PPP2R5B: variants seen among roughly 807,000 people sequenced by gnomAD.
The protein encoded by PPP2R5B is protein phosphatase 2 regulatory subunit B'beta, also known as serine/threonine-protein phosphatase 2A 56 kDa regulatory subunit beta isoform.
A neutral mutation model predicts 59.9 loss-of-function variants in PPP2R5B; 19 were observed. That is an observed-to-expected ratio of 0.32 (90% CI 0.22 to 0.47). The LOEUF (loss-of-function observed/expected upper bound fraction) is 0.47, where lower values mean the gene tolerates loss of function less well. PPP2R5B is among the 20% of genes least tolerant of loss of function. PPP2R5B has a pLI of 1.00. For synonymous variants in PPP2R5B, 286 were observed against 260.5 expected, an observed-to-expected ratio of 1.10 and a Z score of -0.94; for missense variants, 441 against 640.2, an observed-to-expected ratio of 0.69 and a Z score of 3.36.
intron 6 of PPP2R5B, among the ~76,000 whole-genome samples, chr11:64,928,738 G>T (rs1159926133): frequency 6.6e-6 from 1 of 152,242 alleles, no homozygotes; most frequent in Non-Finnish European, 1.5e-5. Flanking sequence ...CAAAAAATTA[G>T]CCGGGCGCGG....
rs923660059 is a variant in PPP2R5B, at chr11:64,925,619, C to T, written c.-116C>T. 3 of 553,296 alleles carry T rather than the reference C, an allele frequency of 5.4e-6. No homozygotes were observed. The highest frequency in any genetic ancestry group is 3.1e-5 in the Admixed American group (1 of 31,856). The allele number at this position is 553,296 out of a possible 1,614,324, so 34.3% of individuals were successfully genotyped here. A position where few individuals can be genotyped will look rare whatever the true frequency, so the allele number is the denominator to read the frequency against. On this transcript the variant is annotated 5_prime_UTR_variant, in exon 2 of 14. Transcript: ENST00000164133. The surrounding 1 kb of genome is among the most constrained non-coding windows in gnomAD (Gnocchi z 4.6). ...GGGCCCAGGACTGTGGTTGTGCCCC[C>T]CCCCCAAAGGCCGGACAGGATGGGA...
At chr11:64,926,627 T>G in intron 2 of PPP2R5B, 85 bp from the exon 3 acceptor site, 76 of 1,454,406 alleles carry the variant, frequency 5.2e-5, no homozygotes, top group Non-Finnish European at 6.4e-5. Flanking sequence ...GAGGCAGCCG[T>G]GGAGATTAGG....
chr11:64,934,046 G>C lies in PPP2R5B; in HGVS notation c.*202G>C. 1 of 591,148 alleles carries C rather than the reference G, an allele frequency of 1.7e-6. No individual in the cohort carries two copies. Among genetic ancestry groups the C allele is most frequent in the Non-Finnish European group, 2.7e-6 (1 of 375,012 alleles). 36.6% of individuals were successfully genotyped at this position (591,148 alleles called of 1,614,324 possible). On this transcript the variant is annotated 3_prime_UTR_variant, in exon 14 of 14. Transcript: ENST00000164133. ...TTGGCAACAGAATGCTCAGCCCCTC[G>C]TGGCAGGACTTGACAAGGGCAAGCT... is the stretch of plus-strand genomic sequence containing the variant.
upstream of PPP2R5B, among the ~76,000 whole-genome samples, chr11:64,921,201 C>T (rs1227976490): frequency 6.6e-6 from 1 of 152,068 alleles, no homozygotes; most frequent in Non-Finnish European, 1.5e-5. Context: ...AGCAATCCAC[C>T]TGCCTCTGCC....
upstream of PPP2R5B, among the ~76,000 whole-genome samples, chr11:64,920,151 TCTC>T (rs1390057730): frequency 1.3e-5 from 2 of 152,100 alleles, no homozygotes; most frequent in South Asian, 2.1e-4. Context: ...AAACACCACT[TCTC>T]CTCCTTCCAA....
chr11:64,921,413 C>T (rs1025808068), upstream of PPP2R5B, among the ~76,000 whole-genome samples: 5 of 152,006 alleles, frequency 3.3e-5, no homozygotes, highest in Non-Finnish European at 5.9e-5. Flanking sequence ...TTTGCCCAGG[C>T]CGGGGGGCAT....
chr11:64,919,696 G>A (rs1590672130), upstream of PPP2R5B, among the ~76,000 whole-genome samples: 3 of 152,164 alleles, frequency 2.0e-5, no homozygotes, highest in South Asian at 6.2e-4. Context: ...CTCCGGCCTC[G>A]GTGACAGACG....
In PPP2R5B at chr11:64,931,744, C is replaced by T. The variant is rs779102872; in HGVS notation, c.997-5C>T. 1 of 1,614,134 alleles carries T rather than the reference C, an allele frequency of 6.2e-7. No homozygotes were observed. Among genetic ancestry groups the T allele is most frequent in the Admixed American group, 1.7e-5 (1 of 60,018 alleles). ...TGTCCCTACTCCCCTCCCCAACCCA[C>T]CCAGGTGATGTTTCTGGGGGAGATG... On this transcript the variant is annotated splice_polypyrimidine_tract_variant and splice_region_variant and intron_variant, in intron 10 of 13. Transcript: ENST00000164133. This position sits in a 1 kb window ranked among gnomAD's most constrained non-coding sequence, Gnocchi z 5.0.
At chr11:64,928,453 G>A (rs117429210) in intron 6 of PPP2R5B, 28 bp downstream of exon 6, 1 of 1,613,836 alleles carries the variant, frequency 6.2e-7, no homozygotes, top group East Asian at 2.2e-5. Flanking sequence ...GCCCAGCAGA[G>A]ACCTGGGGAG....
At position 64,933,685 on chromosome 11, in the gene PPP2R5B, C is replaced by T. The variant is rs1424302268; in HGVS notation, c.1347-12C>T. 2 of 1,547,566 alleles carry T rather than the reference C, an allele frequency of 1.3e-6. No homozygotes were observed. The highest frequency in any genetic ancestry group is 8.7e-7 in the Non-Finnish European group (1 of 1,145,040). On this transcript the variant is annotated splice_polypyrimidine_tract_variant and intron_variant, in intron 13 of 13. Coordinates refer to ENST00000164133, the MANE Select transcript of PPP2R5B (RefSeq NM_006244.4). ...CCCCAGGAAAGGGAGCTGCCTCACC[C>T]TCTCTCCCCAGGGAGCAGCAGAAGG... is the stretch of plus-strand genomic sequence containing the variant.
Position 64,931,712 on chromosome 11 carries a change from G to C in PPP2R5B, c.997-37G>C, listed in dbSNP as rs763775837. Reference sequence around the variant, plus strand: ...TGTGTAGGGGGAGATGTGAGCTGCTGCCCCTCTGTCCCTACTCCCCTCCCC... The same window carrying C: ...TGTGTAGGGGGAGATGTGAGCTGCTCCCCCTCTGTCCCTACTCCCCTCCCC... On this transcript the variant is annotated intron_variant, in intron 10 of 13. Transcript: ENST00000164133. The surrounding 1 kb of genome is among the most constrained non-coding windows in gnomAD (Gnocchi z 5.0). The C allele has an allele frequency of 5.0e-6, 8 of 1,613,858 alleles. No individual in the cohort carries two copies. In the East Asian group the frequency reaches 1.8e-4, roughly 36 times the overall value.
At chr11:64,920,770 C>T (rs1372726877), upstream of PPP2R5B, among the ~76,000 whole-genome samples, 4 of 151,286 alleles carry the variant, frequency 2.6e-5, no homozygotes, top group South Asian at 6.3e-4. Context: ...GCTGGAATTA[C>T]AGGCGTGCAC....
At chr11:64,929,534 T>C (rs1945205945) in intron 6 of PPP2R5B, among the ~76,000 whole-genome samples, 1 of 152,178 alleles carries the variant, frequency 6.6e-6, no homozygotes, top group African/African-American at 2.4e-5. Context: ...AAGATCAGCC[T>C]GGCCAACGTG....
chr11:64,926,984 T>C (rs1469400234), intron 3 of PPP2R5B, 76 bp downstream of exon 3: 3 of 1,504,810 alleles, frequency 2.0e-6, no homozygotes, highest in Non-Finnish European at 1.8e-6. Context: ...GCAGGACCCC[T>C]GCGTGGAGAA....
Position 64,930,538 on chromosome 11 carries a change from C to T in PPP2R5B, c.840C>T (p.Arg280=), listed in dbSNP as rs758890171. The change falls in exon 8 of 14, where the codon CGC becomes CGT. Residue 280 remains arginine (R), a synonymous_variant. Coordinates refer to ENST00000164133, the MANE Select transcript of PPP2R5B (RefSeq NM_006244.4). ...CGGAGCACAAGCAGTTCCTGGTTCG[C>T]GTCCTGATCCCCCTGCACTCTGTCA... The part of the protein sequence containing the change: ...LKTEHKQFLV[R]VLIPLHSVKS... 4 of 1,614,158 alleles carry T rather than the reference C, an allele frequency of 2.5e-6. No individual in the cohort carries two copies. Among genetic ancestry groups the T allele is most frequent in the East Asian group, 2.2e-5 (1 of 44,880 alleles).
chr11:64,920,213 C>A (rs1945097296), upstream of PPP2R5B, among the ~76,000 whole-genome samples: 1 of 152,202 alleles, frequency 6.6e-6, no homozygotes, highest in African/African-American at 2.4e-5. Flanking sequence ...GAAAAGTTAT[C>A]CTTTCTAGGC....
upstream of PPP2R5B, chr11:64,924,292 G>C (rs1945135383): frequency 6.6e-6 from 1 of 152,494 alleles, no homozygotes; most frequent in Non-Finnish European, 1.5e-5. Flanking sequence ...TGGTGGTTCT[G>C]GGGTAAGGGT....
Position 64,925,782 on chromosome 11 carries a change from C to G in PPP2R5B, c.48C>G (p.Ser16=). The change falls in exon 2 of 14, where the codon TCC becomes TCG. Residue 16 remains serine, a synonymous_variant. Coordinates refer to ENST00000164133, the MANE Select transcript of PPP2R5B (RefSeq NM_006244.4). This position sits in a 1 kb window ranked among gnomAD's most constrained non-coding sequence, Gnocchi z 4.6. The part of the protein sequence containing the change: ...PPASTPTSPS[S]PGLSPVPPPD... Reference sequence around the variant, plus strand: ...CAAGCACCCCCACTAGCCCCTCCTCCCCCGGGCTGTCGCCTGTGCCCCCAC... The same window carrying G: ...CAAGCACCCCCACTAGCCCCTCCTCGCCCGGGCTGTCGCCTGTGCCCCCAC... 1 of 1,588,608 alleles carries G rather than the reference C, an allele frequency of 6.3e-7. No homozygotes were observed. The highest frequency in any genetic ancestry group is 1.7e-5 in the Admixed American group (1 of 58,958).
chr11:64,932,895 G>A lies in PPP2R5B; in HGVS notation c.1244+3G>A. 1 of 1,613,980 alleles carries A rather than the reference G, an allele frequency of 6.2e-7. No homozygotes were observed. Among genetic ancestry groups the A allele is most frequent in the Non-Finnish European group, 8.5e-7 (1 of 1,179,906 alleles). On this transcript the variant is annotated splice_donor_region_variant and intron_variant, in intron 12 of 13. Coordinates refer to ENST00000164133, the MANE Select transcript of PPP2R5B (RefSeq NM_006244.4). ...GTCTCCAAGGAGCACTGGAACCAGTGAGTGCCAGGCCATGACCTAACTCAC... is the reference window on the plus strand; with the variant it reads ...GTCTCCAAGGAGCACTGGAACCAGTAAGTGCCAGGCCATGACCTAACTCAC...
Sources: allele counts gnomAD v4.1 joint callset (sites outside exome capture counted in the v4.1 genomes callset), GRCh38; gene constraint gnomAD v4.1.1; non-coding constraint Gnocchi (gnomAD v3.1); transcripts MANE v1.5; gene names NCBI Gene and HGNC (gene_info 2026-07-23, HGNC 2026-07-21).